Variants in SCN3A observed in about 807,000 individuals in gnomAD.
SCN3A encodes the protein sodium channel protein type 3 subunit alpha.
In SCN3A, 60 loss-of-function variants were observed where a neutral mutation model predicts 187.6. The ratio of observed to expected loss-of-function variants is 0.32; its 90% CI spans 0.26 to 0.40. SCN3A has a LOEUF of 0.40. Among genes scored for constraint, SCN3A ranks in the 10% least tolerant of loss-of-function variants. The pLI is 1.00. For missense variants in SCN3A, 1,601 were observed against 2,428.2 expected, an observed-to-expected ratio of 0.66 and a Z score of 7.16; for synonymous variants, 788 against 829.2, an observed-to-expected ratio of 0.95 and a Z score of 0.85.
chr2:165,106,370 G>C (rs1336869133), intron 21 of SCN3A, among the ~76,000 whole-genome samples: 2 of 152,078 alleles, frequency 1.3e-5, no homozygotes, highest in African/African-American at 2.4e-5. Flanking sequence ...AAGTATCTTT[G>C]TTAATAGATG....
intron 3 of SCN3A, among the ~76,000 whole-genome samples, chr2:165,171,711 A>C (rs1690111041): frequency 6.6e-6 from 1 of 152,066 alleles, no homozygotes; most frequent in Admixed American, 6.6e-5. Context: ...TTTACCAGTA[A>C]GTCTTAGTAC....
chr2:165,135,098 G>C (rs541719882), intron 15 of SCN3A, among the ~76,000 whole-genome samples: 7 of 152,062 alleles, frequency 4.6e-5, no homozygotes, highest in African/African-American at 1.7e-4. Flanking sequence ...TTTTAATCTA[G>C]TTTCAGCATT....
intron 18 of SCN3A, among the ~76,000 whole-genome samples, chr2:165,118,684 G>A (rs1221539646): frequency 6.6e-6 from 1 of 151,958 alleles, no homozygotes; most frequent in Non-Finnish European, 1.5e-5. Flanking sequence ...CATCCCAGAC[G>A]CAACTGATTC....
At chr2:165,179,401 T>G (rs181162963) in intron 2 of SCN3A, among the ~76,000 whole-genome samples, 1 of 152,308 alleles carries the variant, frequency 6.6e-6, no homozygotes, top group Non-Finnish European at 1.5e-5. Context: ...CCTGGTTGGT[T>G]TTTGTTTTAG....
chr2:165,135,542 C>G (rs1687614156), intron 15 of SCN3A, among the ~76,000 whole-genome samples: 2 of 152,010 alleles, frequency 1.3e-5, no homozygotes, highest in African/African-American at 4.8e-5. Context: ...GTGTAATCAT[C>G]TATGATCTAT....
intron 12 of SCN3A, among the ~76,000 whole-genome samples, chr2:165,145,052 A>T (rs1053918910): frequency 1.3e-5 from 2 of 152,154 alleles, no homozygotes; most frequent in East Asian, 3.9e-4. Context: ...ACTTAATAAG[A>T]GACTTACTCT....
At position 165,094,492 on chromosome 2, in the gene SCN3A, A is replaced by G. The variant is rs73969177; in HGVS notation, c.4432-14T>C. 2,016 of 1,524,962 alleles carry G rather than the reference A, an allele frequency of 1.3e-3. 21 individuals carry two copies. In the African/African-American group the frequency reaches 0.025, roughly 19 times the overall value. The allele number at this position is 1,524,962 out of a possible 1,614,324, so 94.5% of individuals were successfully genotyped here. ...TTGACCTCCAAAGTAAAGACATAGT[A>G]TAAAACTGGTTACAATTCTGTGTTC... On this transcript the variant is annotated splice_polypyrimidine_tract_variant and intron_variant, in intron 25 of 27. Transcript: ENST00000283254.
chr2:165,095,461 AACAG>A, intron 25 of SCN3A, 46 bp downstream of exon 25: 1 of 1,573,308 alleles, frequency 6.4e-7, no homozygotes, highest in Non-Finnish European at 8.7e-7. Flanking sequence ...TGGCTGTATT[AACAG>A]ACAGAACCCC....
At chr2:165,203,772 C>T (rs1692463282) in intron 1 of SCN3A, 51 bp downstream of exon 1, 1 of 151,866 alleles carries the variant, frequency 6.6e-6, no homozygotes, top group African/African-American at 2.4e-5. Flanking sequence ...AGGAAAATGA[C>T]CTGGTAGCTA....
At chr2:165,129,626 T>A (rs1372364696) in intron 17 of SCN3A, among the ~76,000 whole-genome samples, 4 of 152,224 alleles carry the variant, frequency 2.6e-5, no homozygotes, top group African/African-American at 9.6e-5. Context: ...ACAATTCTTC[T>A]TAGTGATAAA....
chr2:165,173,440 C>G (rs1267851032), intron 3 of SCN3A, among the ~76,000 whole-genome samples: 1 of 152,134 alleles, frequency 6.6e-6, no homozygotes, highest in East Asian at 1.9e-4. Flanking sequence ...ACCTGCCTCA[C>G]TGGTTCACTA....
At chr2:165,175,544 T>C (rs1690397317) in intron 3 of SCN3A, among the ~76,000 whole-genome samples, 1 of 152,174 alleles carries the variant, frequency 6.6e-6, no homozygotes, top group Non-Finnish European at 1.5e-5. Flanking sequence ...TTTAATGGTA[T>C]ACATGATCCA....
In SCN3A at chr2:165,204,037, C is replaced by T. The variant is rs1175249800; in HGVS notation, c.-462G>A. 6.7e-6 allele frequency: 1 copy of T among 149,930 alleles called. No homozygotes were observed. The highest frequency in any genetic ancestry group is 2.0e-4 in the East Asian group (1 of 5,096). 9.3% of individuals were successfully genotyped at this position (149,930 alleles called of 1,614,324 possible). ...TCCAGAATCCTCTCTGCTTATGCCT[C>T]CGCTTCCTGTTCTGAGATTCACTCT... On this transcript the variant is annotated 5_prime_UTR_variant, in exon 1 of 28. Coordinates refer to ENST00000283254, the MANE Select transcript of SCN3A (RefSeq NM_006922.4).
intron 12 of SCN3A, among the ~76,000 whole-genome samples, chr2:165,145,035 G>A (rs764231190): frequency 2.7e-4 from 41 of 152,034 alleles, no homozygotes; most frequent in African/African-American, 8.4e-4. Context: ...TTCATTCACC[G>A]ATTTTAACTT....
At chr2:165,170,160 G>A (rs540404355) in intron 4 of SCN3A, among the ~76,000 whole-genome samples, 1 of 151,800 alleles carries the variant, frequency 6.6e-6, no homozygotes, top group Non-Finnish European at 1.5e-5. Flanking sequence ...AGCTGATAAA[G>A]GTGTAAGGAG....
chr2:165,150,247 C>T (rs1176725127), intron 11 of SCN3A, among the ~76,000 whole-genome samples: 1 of 152,142 alleles, frequency 6.6e-6, no homozygotes, highest in Non-Finnish European at 1.5e-5. Context: ...TAGGTGGCCC[C>T]TCAACCAATA....
At chr2:165,125,547 G>A (rs769380500) in intron 18 of SCN3A, among the ~76,000 whole-genome samples, 20 of 152,090 alleles carry the variant, frequency 1.3e-4, no homozygotes, top group South Asian at 4.1e-4. Context: ...TCGATCTCCT[G>A]ACCTCGTGAT....
At chr2:165,190,553 TAA>T (rs1415241030) in intron 1 of SCN3A, among the ~76,000 whole-genome samples, 9 of 147,072 alleles carry the variant, frequency 6.1e-5, no homozygotes, top group Non-Finnish European at 1.2e-4. Flanking sequence ...TATTTATATA[TAA>T]CTTTATATAT....
intron 23 of SCN3A, 93 bp from the exon 24 acceptor site, chr2:165,096,613 C>G (rs1263753186): frequency 2.4e-6 from 2 of 824,684 alleles, no homozygotes; most frequent in Non-Finnish European, 4.0e-6. Context: ...TAACAAATAA[C>G]TTTTTGTACA....
Sources: allele counts gnomAD v4.1 joint callset (sites outside exome capture counted in the v4.1 genomes callset), GRCh38; gene constraint gnomAD v4.1.1; transcripts MANE v1.5; gene names NCBI Gene and HGNC (gene_info 2026-07-23, HGNC 2026-07-21).